The following RALGAPA1 variants were observed in gnomAD, a reference collection of about 807,000 sequenced individuals.
The protein encoded by RALGAPA1 is ral GTPase-activating protein subunit alpha-1.
A neutral mutation model predicts 269.6 loss-of-function variants in RALGAPA1; 52 were observed. That is an observed-to-expected ratio of 0.19 (90% CI 0.15 to 0.24). The LOEUF (loss-of-function observed/expected upper bound fraction) is 0.24, where lower values mean the gene tolerates loss of function less well. RALGAPA1 is among the 10% of genes least tolerant of loss of function. The probability of loss-of-function intolerance (pLI) is 1.00; values close to 1 mark genes in which losing one functional copy is unlikely to be tolerated. For missense variants in RALGAPA1, 1,917 were observed against 3,013.9 expected (o/e 0.64, Z 8.52); for synonymous variants, 817 against 1,008.3 (o/e 0.81, Z 3.60).
chr14:35,645,396 T>TGTGTGTGTGTGTGTGTG (rs1298109818), intron 31 of RALGAPA1, among the ~76,000 whole-genome samples: 6 of 149,874 alleles, frequency 4.0e-5, no homozygotes, highest in African/African-American at 9.8e-5. Context: ...TGTGTATATG[T>TGTGTGTGTGTGTGTGTG]TATGTATTTC....
chr14:35,775,621 T>C lies in RALGAPA1; in HGVS notation c.217+14A>G. The C allele has an allele frequency of 1.3e-6, 2 of 1,564,204 alleles. No individual in the cohort carries two copies. Among genetic ancestry groups the C allele is most frequent in the Non-Finnish European group, 1.7e-6 (2 of 1,164,520 alleles). On this transcript the variant is annotated intron_variant, in intron 2 of 41. Coordinates refer to ENST00000680220, the MANE Select transcript of RALGAPA1 (RefSeq NM_001346249.2). Reference sequence around the variant, plus strand: ...AAATATTAACATACGCCAAGATATATGTTAGCATCTTACCTTTCTGTTTAA... The same window carrying C: ...AAATATTAACATACGCCAAGATATACGTTAGCATCTTACCTTTCTGTTTAA...
chr14:35,613,124 C>G (rs1013544446), intron 35 of RALGAPA1, among the ~76,000 whole-genome samples: 3 of 151,514 alleles, frequency 2.0e-5, no homozygotes, highest in Non-Finnish European at 4.4e-5. Context: ...CTCTGTCATC[C>G]AGGCTGGAGG....
chr14:35,682,726 A>G (rs1442187031), intron 21 of RALGAPA1, among the ~76,000 whole-genome samples: 1 of 152,206 alleles, frequency 6.6e-6, no homozygotes, highest in Non-Finnish European at 1.5e-5. Flanking sequence ...AAAAACAACT[A>G]AAGTAAGAGG....
In RALGAPA1 at chr14:35,654,358, A is replaced by G. The variant is rs765421390; in HGVS notation, c.5607+9T>C. On this transcript the variant is annotated intron_variant, in intron 30 of 41. Transcript: ENST00000680220. ...CAAGGTCATAATAAATAAATGAGAAATTACTTACTTGAATAATTTTCAAGG... is the reference window on the plus strand; with the variant it reads ...CAAGGTCATAATAAATAAATGAGAAGTTACTTACTTGAATAATTTTCAAGG... The G allele has an allele frequency of 5.1e-6, 8 of 1,576,058 alleles. No homozygotes were observed. The African/African-American group carries it at 5.5e-5, about 11-fold the overall frequency.
chr14:35,684,020 A>C (rs1435123181), intron 20 of RALGAPA1, 35 bp from the exon 21 acceptor site: 1 of 1,541,534 alleles, frequency 6.5e-7, no homozygotes, highest in African/African-American at 1.4e-5. Context: ...TATGAGTCCC[A>C]ATTACAAAGT....
intron 31 of RALGAPA1, among the ~76,000 whole-genome samples, chr14:35,637,107 A>G (rs1192834418): frequency 1.3e-5 from 2 of 152,322 alleles, no homozygotes; most frequent in South Asian, 4.1e-4. Flanking sequence ...GGAGAAGACA[A>G]ACAAACCCAG....
chr14:35,550,118 G>C (rs2054849103), intron 39 of RALGAPA1, among the ~76,000 whole-genome samples: 1 of 152,182 alleles, frequency 6.6e-6, no homozygotes, highest in African/African-American at 2.4e-5. Context: ...CAGAGAGGGC[G>C]AGAAAGAGAG....
At chr14:35,723,287 TAAC>T (rs2069594438) in intron 14 of RALGAPA1, 23 bp from the exon 15 acceptor site, 1 of 1,374,604 alleles carries the variant, frequency 7.3e-7, no homozygotes, top group African/African-American at 1.4e-5. Flanking sequence ...ATATCAGAAA[TAAC>T]AATAAAATGT....
At position 35,760,809 on chromosome 14, in the gene RALGAPA1, T is replaced by C. The variant is rs760338762; in HGVS notation, c.547+20A>G. 5 of 1,595,482 alleles carry C rather than the reference T, an allele frequency of 3.1e-6. No individual in the cohort carries two copies. Among genetic ancestry groups the C allele is most frequent in the Non-Finnish European group, 4.3e-6 (5 of 1,166,114 alleles). Reference sequence around the variant, plus strand: ...TAGAGAGCTTAAACCTACTGACGGATAACATCCCATGAATCTTACTTTCTT... The same window carrying C: ...TAGAGAGCTTAAACCTACTGACGGACAACATCCCATGAATCTTACTTTCTT... On this transcript the variant is annotated intron_variant, in intron 6 of 41. Transcript: ENST00000680220.
At chr14:35,618,025 T>C (rs2060373462) in intron 35 of RALGAPA1, among the ~76,000 whole-genome samples, 1 of 151,936 alleles carries the variant, frequency 6.6e-6, no homozygotes, top group African/African-American at 2.4e-5. Context: ...AAAGTAAAAT[T>C]TTCCCAAGAG....
chr14:35,789,952 A>G (rs2076041515), intron 1 of RALGAPA1, among the ~76,000 whole-genome samples: 1 of 152,060 alleles, frequency 6.6e-6, no homozygotes, highest in South Asian at 2.1e-4. Flanking sequence ...AAAAAAATTT[A>G]TAGACAAGAA....
intron 16 of RALGAPA1, among the ~76,000 whole-genome samples, chr14:35,713,387 AT>A (rs2068531568): frequency 6.6e-6 from 1 of 152,224 alleles, no homozygotes; most frequent in East Asian, 1.9e-4. Context: ...GTTATTCTCT[AT>A]CCCCACTGTT....
At chr14:35,605,519 AG>A (rs2059545137) in intron 36 of RALGAPA1, 66 bp downstream of exon 36, 1 of 1,453,846 alleles carries the variant, frequency 6.9e-7, no homozygotes, top group Non-Finnish European at 9.2e-7. Context: ...ATAATAAGCT[AG>A]GAAAAAAAAG....
intron 1 of RALGAPA1, among the ~76,000 whole-genome samples, chr14:35,784,993 C>G (rs12587065): frequency 0.35 from 52,791 of 151,856 alleles, 12,642 homozygotes; most frequent in African/African-American, 0.67. Context: ...AATTAGCCTG[C>G]CAATATAGCC....
At chr14:35,682,392 C>G (rs958146875) in intron 21 of RALGAPA1, among the ~76,000 whole-genome samples, 1 of 151,996 alleles carries the variant, frequency 6.6e-6, no homozygotes, top group South Asian at 2.1e-4. Flanking sequence ...GCTCTGCCTC[C>G]CGGGTTCATG....
chr14:35,740,503 A>G (rs2071441481), intron 11 of RALGAPA1, among the ~76,000 whole-genome samples: 1 of 152,242 alleles, frequency 6.6e-6, no homozygotes, highest in Non-Finnish European at 1.5e-5. Flanking sequence ...AGATGCTATG[A>G]GAATTTTAAA....
chr14:35,767,929 C>T lies in RALGAPA1; in HGVS notation c.325+3013G>A, dbSNP rs529063210. On this transcript the variant is annotated intron_variant, in intron 4 of 41. Transcript: ENST00000680220. ...AGCTGGGACGACATGAAGGAGTCAT[C>T]ACGTCTGGATAATTTTTGTATTTTT... Among the ~76,000 whole-genome samples the T allele has an allele frequency of 1.9e-3, 295 of 152,226 alleles. 1 individual carries two copies. Among genetic ancestry groups the T allele is most frequent in the African/African-American group, 6.8e-3 (281 of 41,532 alleles).
rs1279289119 is a variant in RALGAPA1, at chr14:35,678,113, A to C, written c.4472-11T>G. ...AAGCACTTTCTGAACCTGTAAATAT[A>C]ATTTCATAAAATTACCATAAAGAGT... On this transcript the variant is annotated splice_polypyrimidine_tract_variant and intron_variant, in intron 21 of 41. Coordinates refer to ENST00000680220, the MANE Select transcript of RALGAPA1 (RefSeq NM_001346249.2). 2 of 1,595,850 alleles carry C rather than the reference A, an allele frequency of 1.3e-6. No homozygotes were observed. The highest frequency in any genetic ancestry group is 8.5e-7 in the Non-Finnish European group (1 of 1,175,262).
intron 7 of RALGAPA1, 50 bp from the exon 8 acceptor site, chr14:35,752,212 A>G: frequency 1.4e-6 from 2 of 1,434,398 alleles, no homozygotes; most frequent in Non-Finnish European, 9.2e-7. Flanking sequence ...AGAATCTCTT[A>G]AATGCAAGTA....
Sources: allele counts gnomAD v4.1 joint callset (sites outside exome capture counted in the v4.1 genomes callset), GRCh38; gene constraint gnomAD v4.1.1; transcripts MANE v1.5; gene names NCBI Gene and HGNC (gene_info 2026-07-23, HGNC 2026-07-21).